Variants in LIN54 observed in about 807,000 individuals in gnomAD.
The protein encoded by LIN54 is protein lin-54 homolog.
A neutral mutation model predicts 78.7 loss-of-function variants in LIN54; 9 were observed. The ratio of observed to expected loss-of-function variants is 0.11; its 90% CI spans 0.07 to 0.20. The LOEUF (loss-of-function observed/expected upper bound fraction) is 0.20. Among genes scored for constraint, LIN54 ranks in the 10% least tolerant of loss-of-function variants. The pLI is 1.00. For missense variants in LIN54, 573 were observed against 889.9 expected, an observed-to-expected ratio of 0.64 and a Z score of 4.53; for synonymous variants, 269 against 318.4, an observed-to-expected ratio of 0.84 and a Z score of 1.65.
At chr4:83,008,391 C>T (rs1729575678) in intron 1 of LIN54, among the ~76,000 whole-genome samples, 2 of 152,342 alleles carry the variant, frequency 1.3e-5, no homozygotes, top group South Asian at 4.1e-4. Flanking sequence ...TGGCTCACGC[C>T]TGTAATCCCA....
At chr4:83,008,201 TGCA>T (rs1313352669) in intron 1 of LIN54, among the ~76,000 whole-genome samples, 1 of 152,210 alleles carries the variant, frequency 6.6e-6, no homozygotes, top group Non-Finnish European at 1.5e-5. Flanking sequence ...TAAGGCCTTC[TGCA>T]GCAAGACCCC....
At chr4:82,953,445 G>A (rs547959280) in intron 4 of LIN54, among the ~76,000 whole-genome samples, 2 of 152,008 alleles carry the variant, frequency 1.3e-5, no homozygotes, top group African/African-American at 2.4e-5. Context: ...CCTATATTAC[G>A]TATATTTTGC....
chr4:82,987,110 G>T (rs543787168), intron 1 of LIN54, among the ~76,000 whole-genome samples: 2 of 152,288 alleles, frequency 1.3e-5, no homozygotes, highest in South Asian at 4.1e-4. Flanking sequence ...GGCCAACATG[G>T]CAAAACCCCA....
intron 1 of LIN54, among the ~76,000 whole-genome samples, chr4:82,986,085 A>T (rs1056813890): frequency 5.3e-5 from 8 of 152,072 alleles, no homozygotes; most frequent in Non-Finnish European, 8.8e-5. Context: ...AACATCAAAG[A>T]TCCATAGGAA....
intron 1 of LIN54, among the ~76,000 whole-genome samples, chr4:83,006,715 C>T (rs1729410108): frequency 6.6e-6 from 1 of 152,134 alleles, no homozygotes; most frequent in Non-Finnish European, 1.5e-5. Flanking sequence ...TTATGAAGAT[C>T]TGCTGCACTA....
intron 4 of LIN54, among the ~76,000 whole-genome samples, chr4:82,964,055 CCTTT>C (rs1328331086): frequency 4.6e-5 from 5 of 108,744 alleles, no homozygotes; most frequent in African/African-American, 2.5e-4. Flanking sequence ...CTCCCTCCCT[CCTTT>C]TTTTTTTTTG....
chr4:82,987,991 T>C (rs898158741), intron 1 of LIN54, among the ~76,000 whole-genome samples: 1 of 152,238 alleles, frequency 6.6e-6, no homozygotes. Flanking sequence ...ATTCACATTG[T>C]CATGAACAAT....
At chr4:82,989,898 A>G (rs1015892319) in intron 1 of LIN54, among the ~76,000 whole-genome samples, 9 of 152,228 alleles carry the variant, frequency 5.9e-5, no homozygotes, top group African/African-American at 2.2e-4. Flanking sequence ...CTCAGCAGCT[A>G]TAGCCACATT....
At chr4:83,007,064 C>T (rs1386227157) in intron 1 of LIN54, among the ~76,000 whole-genome samples, 8 of 152,120 alleles carry the variant, frequency 5.3e-5, no homozygotes, top group African/African-American at 1.9e-4. Flanking sequence ...CGCTTGAACC[C>T]GGGAGGTGGA....
At chr4:82,981,564 T>C (rs981215484) in intron 2 of LIN54, among the ~76,000 whole-genome samples, 4 of 152,214 alleles carry the variant, frequency 2.6e-5, no homozygotes, top group African/African-American at 9.6e-5. Flanking sequence ...TATAGATGCA[T>C]AGTTTTTAAT....
At chr4:83,004,493 A>G (rs1309798761) in intron 1 of LIN54, among the ~76,000 whole-genome samples, 2 of 151,944 alleles carry the variant, frequency 1.3e-5, no homozygotes, top group African/African-American at 4.8e-5. Flanking sequence ...AAAGAAATAC[A>G]TTTTTGTTTT....
At chr4:82,997,109 A>G (rs116401024) in intron 1 of LIN54, among the ~76,000 whole-genome samples, 1,908 of 152,242 alleles carry the variant, frequency 0.013, 44 homozygotes, top group African/African-American at 0.043. Context: ...CCCTGTGCCT[A>G]TAACAGAGCT....
chr4:82,929,418 A>G (rs1721760221), intron 12 of LIN54, among the ~76,000 whole-genome samples: 1 of 152,188 alleles, frequency 6.6e-6, no homozygotes, highest in Non-Finnish European at 1.5e-5. Flanking sequence ...AAAGAATCCC[A>G]GGTTATAAGT....
chr4:82,930,883 A>G, intron 12 of LIN54, 60 bp downstream of exon 12: 1 of 1,527,556 alleles, frequency 6.5e-7, no homozygotes, highest in Non-Finnish European at 9.0e-7. Context: ...TGCCCCCTGA[A>G]AAGAAACTTT....
intron 5 of LIN54, among the ~76,000 whole-genome samples, 166 bp from the exon 6 acceptor site, chr4:82,940,128 T>G (rs1340428484): frequency 6.6e-6 from 1 of 152,244 alleles, no homozygotes; most frequent in African/African-American, 2.4e-5. Flanking sequence ...CCTTTCAAAA[T>G]TGCTTACCCC....
At chr4:82,964,749 G>A (rs768561532) in intron 4 of LIN54, among the ~76,000 whole-genome samples, 16 of 152,168 alleles carry the variant, frequency 1.1e-4, no homozygotes, top group Admixed American at 6.5e-5. Flanking sequence ...TTAAAAGGCC[G>A]GTGCAGTGGC....
At chr4:82,940,017 A>G in intron 5 of LIN54, 55 bp from the exon 6 acceptor site, 9 of 1,233,504 alleles carry the variant, frequency 7.3e-6, no homozygotes, top group Non-Finnish European at 1.0e-5. Flanking sequence ...ATAGTATTTA[A>G]AACACTTAAG....
intron 4 of LIN54, among the ~76,000 whole-genome samples, chr4:82,959,496 G>GA (rs1329508344): frequency 1.3e-5 from 2 of 150,334 alleles, no homozygotes; most frequent in Non-Finnish European, 3.0e-5. Context: ...CCCAATCTTG[G>GA]AAAAAAACAA....
chr4:82,931,448 T>C (rs559212074), intron 11 of LIN54, among the ~76,000 whole-genome samples: 6 of 152,248 alleles, frequency 3.9e-5, no homozygotes, highest in Admixed American at 3.9e-4. Flanking sequence ...ATGAATGATA[T>C]CCTAAAATAT....
Sources: allele counts gnomAD v4.1 joint callset (sites outside exome capture counted in the v4.1 genomes callset), GRCh38; gene constraint gnomAD v4.1.1; transcripts MANE v1.5; gene names NCBI Gene and HGNC (gene_info 2026-07-23, HGNC 2026-07-21).